TPST1: variants seen among roughly 807,000 people sequenced by gnomAD.
TPST1 encodes the protein tyrosylprotein sulfotransferase 1, also known as protein-tyrosine sulfotransferase 1.
A neutral mutation model predicts 34.8 loss-of-function variants in TPST1; 20 were observed. The ratio of observed to expected loss-of-function variants is 0.57; its 90% confidence interval spans 0.40 to 0.84. TPST1 has a LOEUF of 0.84. Ranked by LOEUF, TPST1 falls within the 40% of genes least tolerant of loss-of-function variation. The pLI is 0.00. For synonymous variants in TPST1, 152 were observed against 159.4 expected, an observed-to-expected ratio of 0.95 and a Z score of 0.35; for missense variants, 353 against 455.5, an observed-to-expected ratio of 0.78 and a Z score of 2.05.
intron 5 of TPST1, 90 bp downstream of exon 5, chr7:66,356,961 G>A: frequency 7.7e-7 from 1 of 1,301,096 alleles, no homozygotes; most frequent in African/African-American, 1.5e-5. Context: ...GCACAGCTCT[G>A]GAGTCCGTCT....
chr7:66,354,434 C>T (rs143035935), intron 4 of TPST1, among the ~76,000 whole-genome samples: 4 of 148,220 alleles, frequency 2.7e-5, no homozygotes, highest in East Asian at 2.1e-4. Context: ...AGTGACACCC[C>T]GTCTCTACTA....
chr7:66,272,444 C>T lies in TPST1; in HGVS notation c.846-14067C>T, dbSNP rs73144228. ...ATCTTTTCATGATAAAAACTCTCAACCAAATTAGATACAGAAGGAAGGTAT... is the reference window on the plus strand; with the variant it reads ...ATCTTTTCATGATAAAAACTCTCAATCAAATTAGATACAGAAGGAAGGTAT... On this transcript the variant is annotated intron_variant, in intron 2 of 5. Coordinates refer to ENST00000304842, the MANE Select transcript of TPST1 (RefSeq NM_003596.4). Among the ~76,000 whole-genome samples, 353 of 152,180 alleles carry T rather than the reference C, an allele frequency of 2.3e-3. 4 individuals are homozygous for T. The highest frequency in any genetic ancestry group is 3.7e-3 in the Non-Finnish European group (250 of 68,002).
chr7:66,231,712 G>A (rs547592974), intron 1 of TPST1, among the ~76,000 whole-genome samples: 16 of 152,352 alleles, frequency 1.1e-4, no homozygotes, highest in East Asian at 7.7e-4. Flanking sequence ...GTTCCCGCTC[G>A]CGCCTCTCCC....
intron 4 of TPST1, 105 bp downstream of exon 4, chr7:66,352,660 C>CAA: frequency 6.5e-7 from 1 of 1,547,334 alleles, no homozygotes; most frequent in East Asian, 2.4e-5. Context: ...ACAAGAAAAC[C>CAA]AAAAAGAAAA....
At chr7:66,351,693 T>C (rs1792482325) in intron 3 of TPST1, among the ~76,000 whole-genome samples, 1 of 150,712 alleles carries the variant, frequency 6.6e-6, no homozygotes, top group Admixed American at 6.6e-5. Context: ...AAAAGCATGC[T>C]AGAATTTTGA....
At chr7:66,233,738 G>A (rs898231900) in intron 1 of TPST1, among the ~76,000 whole-genome samples, 2 of 152,160 alleles carry the variant, frequency 1.3e-5, no homozygotes, top group East Asian at 1.9e-4. Context: ...ACCTGACTAC[G>A]TCTATCATAA....
intron 3 of TPST1, among the ~76,000 whole-genome samples, chr7:66,324,794 CTG>C (rs1562845010): frequency 1.1e-5 from 1 of 88,872 alleles, no homozygotes; most frequent in African/African-American, 4.6e-5. Context: ...GAGTAAGACT[CTG>C]TCTCAAAAAA....
chr7:66,263,224 G>A, intron 2 of TPST1, among the ~76,000 whole-genome samples: 1 of 152,196 alleles, frequency 6.6e-6, no homozygotes, highest in East Asian at 1.9e-4. Flanking sequence ...GGGAATTAGG[G>A]AAGGTTTCTC....
chr7:66,274,277 A>G (rs1044206704), intron 2 of TPST1, among the ~76,000 whole-genome samples: 9 of 151,642 alleles, frequency 5.9e-5, no homozygotes, highest in African/African-American at 2.2e-4. Flanking sequence ...AGGCAGGAGA[A>G]TGGCGTGAAC....
At chr7:66,324,712 T>C (rs1791823831) in intron 3 of TPST1, among the ~76,000 whole-genome samples, 2 of 149,106 alleles carry the variant, frequency 1.3e-5, no homozygotes, top group South Asian at 4.3e-4. Flanking sequence ...GGAAGGAGAA[T>C]TGCTTGAACT....
chr7:66,203,486 C>CTT (rs373614847), upstream of TPST1, among the ~76,000 whole-genome samples: 15 of 134,558 alleles, frequency 1.1e-4, no homozygotes, highest in South Asian at 7.2e-4. Flanking sequence ...ACAAAAACTT[C>CTT]TTTTTTTTTT....
At chr7:66,269,598 A>G (rs995001498) in intron 2 of TPST1, among the ~76,000 whole-genome samples, 3 of 89,178 alleles carry the variant, frequency 3.4e-5, no homozygotes, top group Non-Finnish European at 6.9e-5. Context: ...CACTACCTAG[A>G]TATAGTAAAG....
chr7:66,215,707 A>AT (rs1053027597), intron 1 of TPST1, among the ~76,000 whole-genome samples: 42 of 138,708 alleles, frequency 3.0e-4, no homozygotes, highest in East Asian at 1.1e-3. Context: ...ATTAGTGTCA[A>AT]TTTTTTTTTT....
At chr7:66,348,682 C>G (rs1792405148) in intron 3 of TPST1, among the ~76,000 whole-genome samples, 1 of 152,216 alleles carries the variant, frequency 6.6e-6, no homozygotes, top group Non-Finnish European at 1.5e-5. Flanking sequence ...AATTCCATTT[C>G]TAGCTCTGCT....
At chr7:66,329,826 C>G (rs899305485) in intron 3 of TPST1, among the ~76,000 whole-genome samples, 2 of 152,122 alleles carry the variant, frequency 1.3e-5, no homozygotes, top group African/African-American at 2.4e-5. Context: ...GGCCATTATC[C>G]TAAGTGAATT....
intron 1 of TPST1, among the ~76,000 whole-genome samples, chr7:66,234,410 CACACACACACACACACACACAG>C (rs1057348842): frequency 6.7e-5 from 10 of 149,826 alleles, no homozygotes; most frequent in Admixed American, 5.3e-4. Flanking sequence ...TACACACACA[CACACACACACACACACACACAG>C]ACACACACAC....
upstream of TPST1, among the ~76,000 whole-genome samples, chr7:66,202,284 G>A (rs556801988): frequency 6.6e-6 from 1 of 152,154 alleles, no homozygotes; most frequent in Non-Finnish European, 1.5e-5. Context: ...GACCCTGTCA[G>A]AGGCTGGACC....
chr7:66,346,537 G>A (rs527535955), intron 3 of TPST1, among the ~76,000 whole-genome samples: 2 of 152,218 alleles, frequency 1.3e-5, no homozygotes, highest in Admixed American at 1.3e-4. Context: ...GGGATGAGAT[G>A]ATATCTCATT....
intron 2 of TPST1, among the ~76,000 whole-genome samples, chr7:66,261,107 A>G (rs949597793): frequency 6.6e-6 from 1 of 151,030 alleles, no homozygotes; most frequent in African/African-American, 2.4e-5. Context: ...CAGTCTGGAT[A>G]TTTTCTCAAG....
Sources: gnomAD v4.1 joint callset for allele counts (sites outside exome capture counted in the v4.1 genomes callset) on GRCh38, gnomAD v4.1.1 for gene constraint, MANE v1.5 for transcripts, NCBI Gene and HGNC (gene_info 2026-07-23, HGNC 2026-07-21) for gene names.